SVIL: variants seen among roughly 807,000 people sequenced by gnomAD.
The protein encoded by SVIL is archvillin.
In SVIL, 101 loss-of-function variants were observed where a neutral mutation model predicts 240.4. The ratio of observed to expected loss-of-function variants is 0.42; its 90% CI spans 0.36 to 0.50. The LOEUF is 0.50. Ranked by LOEUF, SVIL falls within the 20% of genes least tolerant of loss-of-function variation. SVIL has a pLI of 0.01. For synonymous variants in SVIL, 999 were observed against 1,100.0 expected, an observed-to-expected ratio of 0.91 and a Z score of 1.82; for missense variants, 2,512 against 2,818.7, an observed-to-expected ratio of 0.89 and a Z score of 2.46.
At chr10:29,600,808 C>T (rs1564688790) in intron 1 of SVIL, among the ~76,000 whole-genome samples, 1 of 152,176 alleles carries the variant, frequency 6.6e-6, no homozygotes, top group Non-Finnish European at 1.5e-5. Flanking sequence ...ACTGTTCTAA[C>T]TAAAACCCCA....
In SVIL at chr10:29,499,116, C is replaced by T. The variant is rs1948684744; in HGVS notation, c.3664G>A (p.Gly1222Ser). Residue 1222 changes from glycine (G) to serine (S), a missense_variant and splice_region_variant, in exon 18 of 38, where the codon GGT becomes AGT. By Grantham distance (56) the Gly-to-Ser change is moderately conservative. This residue lies in a region of SVIL where 272 missense variants were observed against 406.8 expected (regional missense o/e 0.67). Coordinates refer to ENST00000355867, the MANE Select transcript of SVIL (RefSeq NM_021738.3). ...FTVAGRMVKK[G>S]LASPTAITPV... Reference sequence around the variant, plus strand: ...CACACATGGACACACACACACTGACCTTTCTTCACCATCCTGCCAGCCACA... The same window carrying T: ...CACACATGGACACACACACACTGACTTTTCTTCACCATCCTGCCAGCCACA... 1.9e-6 allele frequency: 3 copies of T among 1,584,302 alleles called. No individual in the cohort carries two copies. Among genetic ancestry groups the T allele is most frequent in the African/African-American group, 1.8e-5 (1 of 54,894 alleles).
chr10:29,614,100 C>G (rs972288815), intron 1 of SVIL, among the ~76,000 whole-genome samples: 2 of 152,046 alleles, frequency 1.3e-5, no homozygotes, highest in Non-Finnish European at 2.9e-5. Context: ...ACTAACTATA[C>G]CACAACAGAA....
At chr10:29,534,304 A>G (rs1951590920) in intron 7 of SVIL, among the ~76,000 whole-genome samples, 1 of 152,134 alleles carries the variant, frequency 6.6e-6, no homozygotes, top group Non-Finnish European at 1.5e-5. Flanking sequence ...GGAGTTTGAG[A>G]CCAGTTTGGG....
chr10:29,582,901 A>G (rs1358573315), intron 1 of SVIL, among the ~76,000 whole-genome samples: 6 of 152,164 alleles, frequency 3.9e-5, no homozygotes, highest in Admixed American at 3.9e-4. Flanking sequence ...GCAGAGGGGA[A>G]GGGGCTGACT....
At chr10:29,663,536 A>T (rs902648256) in intron 2 of SVIL, among the ~76,000 whole-genome samples, 11 of 152,126 alleles carry the variant, frequency 7.2e-5, no homozygotes, top group African/African-American at 2.7e-4. Context: ...TTTGTATTTT[A>T]GTAGAGACGG....
At chr10:29,563,049 G>T (rs933293368) in intron 3 of SVIL, among the ~76,000 whole-genome samples, 152 bp downstream of exon 3, 3 of 152,138 alleles carry the variant, frequency 2.0e-5, no homozygotes, top group Non-Finnish European at 4.4e-5. Flanking sequence ...GGAGAGAGGG[G>T]GAAGGGAATT....
At chr10:29,713,232 A>G (rs1325746496) in intron 1 of SVIL, among the ~76,000 whole-genome samples, 1 of 151,058 alleles carries the variant, frequency 6.6e-6, no homozygotes, top group African/African-American at 2.4e-5. Context: ...GAATTCATGT[A>G]CTGATAAAAC....
rs531381740 is a variant in SVIL, at chr10:29,465,018, A to G, written c.6133+577T>C. On this transcript the variant is annotated intron_variant, in intron 34 of 37. Coordinates refer to ENST00000355867, the MANE Select transcript of SVIL (RefSeq NM_021738.3). Reference sequence around the variant, plus strand: ...ACCCTGTTCCCTGGCTAACTTAGCCAATACCCCAACATCCTTCTCCTCTGC... The same window carrying G: ...ACCCTGTTCCCTGGCTAACTTAGCCGATACCCCAACATCCTTCTCCTCTGC... Among the ~76,000 whole-genome samples the G allele has an allele frequency of 1.4e-4, 22 of 152,296 alleles. No homozygotes were observed. The South Asian group carries it at 4.6e-3, about 32-fold the overall frequency.
intron 1 of SVIL, among the ~76,000 whole-genome samples, chr10:29,586,939 G>T (rs1010374173): frequency 1.6e-4 from 24 of 152,076 alleles, no homozygotes; most frequent in African/African-American, 5.3e-4. Context: ...ATAACTAATG[G>T]GTACTAAGCT....
In SVIL at chr10:29,531,347, A is replaced by G. The variant is rs1040448412; in HGVS notation, c.2010-59T>C. On this transcript the variant is annotated intron_variant, in intron 9 of 37. Transcript: ENST00000355867. The stretch of plus-strand genomic sequence containing the variant: ...TTAGCAGGTGGGAGCAGAAGATCGA[A>G]ATAAAACATCATACTGAAAGTAAAA... 4.1e-6 allele frequency: 6 copies of G among 1,445,864 alleles called. No homozygotes were observed. In the African/African-American group the frequency reaches 8.5e-5, roughly 21 times the overall value. The allele number at this position is 1,445,864 out of a possible 1,614,324, so 89.6% of individuals were successfully genotyped here.
chr10:29,732,367 G>C (rs1964671623), intron 1 of SVIL, among the ~76,000 whole-genome samples: 1 of 151,964 alleles, frequency 6.6e-6, no homozygotes, highest in South Asian at 2.1e-4. Context: ...ATGATCAGAT[G>C]TATTATAAGA....
rs536836258 is a variant in SVIL at position 29,529,766 on chromosome 10, G to A, written c.2185C>T (p.Arg729Cys). The change falls in exon 12 of 38, where the codon CGT becomes TGT. Residue 729 changes from arginine to cysteine, a missense_variant. By Grantham distance (180) the Arg-to-Cys change is radical (BLOSUM62 -3). This residue lies in a region of SVIL where 1,443 missense variants were observed against 1,486.6 expected (regional missense o/e 0.97). Coordinates refer to ENST00000355867, the MANE Select transcript of SVIL (RefSeq NM_021738.3). ...TGGGTGAGGGACCTGTCCTGCAGACGGCGTAGCCTCTGCTCCACAGCTGTG... is the reference window on the plus strand; with the variant it reads ...TGGGTGAGGGACCTGTCCTGCAGACAGCGTAGCCTCTGCTCCACAGCTGTG... Reference protein sequence around the residue: ...RNTAVEQRLRRLQDRSLTQPI... With the variant: ...RNTAVEQRLRCLQDRSLTQPI... 1.4e-5 allele frequency: 22 copies of A among 1,613,778 alleles called. No homozygotes were observed. The highest frequency in any genetic ancestry group is 1.1e-4 in the South Asian group (10 of 91,024).
chr10:29,568,938 G>T lies in SVIL; in HGVS notation c.-143+317C>A, dbSNP rs577897658. ...AACAAGTTTAAACCATTTCTAAAAA[G>T]AATCTAGCTCCCTTCTTTGATGGAC... is the stretch of plus-strand genomic sequence containing the variant. On this transcript the variant is annotated intron_variant, in intron 2 of 37. Coordinates refer to ENST00000355867, the MANE Select transcript of SVIL (RefSeq NM_021738.3). Among the ~76,000 whole-genome samples the T allele has an allele frequency of 2.6e-5, 4 of 152,254 alleles. No individual in the cohort carries two copies. The East Asian group carries it at 5.8e-4, about 22-fold the overall frequency.
At chr10:29,522,176 A>G (rs185156214) in intron 16 of SVIL, among the ~76,000 whole-genome samples, 161 of 152,160 alleles carry the variant, frequency 1.1e-3, no homozygotes, top group African/African-American at 3.7e-3. Flanking sequence ...TTCTCATCTG[A>G]GTCTGGAACC....
At chr10:29,543,725 C>A (rs941522506) in intron 6 of SVIL, among the ~76,000 whole-genome samples, 1 of 152,104 alleles carries the variant, frequency 6.6e-6, no homozygotes, top group Non-Finnish European at 1.5e-5. Context: ...ATCAAACTTA[C>A]AATCCCTCCT....
At position 29,550,592 on chromosome 10, in the gene SVIL, C is replaced by G; in HGVS notation, c.827+5G>C. On this transcript the variant is annotated splice_donor_5th_base_variant and intron_variant, in intron 6 of 37. Coordinates refer to ENST00000355867, the MANE Select transcript of SVIL (RefSeq NM_021738.3). ...CAGGGTGCTTAGCGTGGACTGGATG[C>G]TTACCTGGGTCGGGCCTCAGGGGAT... 1 of 1,600,070 alleles carries G rather than the reference C, an allele frequency of 6.2e-7. No homozygotes were observed. Among genetic ancestry groups the G allele is most frequent in the South Asian group, 1.1e-5 (1 of 89,312 alleles).
rs71020796 is a variant in SVIL, at chr10:29,539,165, T to TAATAAATAAATAAATA, written c.828-3112_828-3097dup. ...GGGAGACAGAGTGAGACTCGGCCTCTAATAAATAAATAAATAAATAAATAA... is the reference window on the plus strand; with the variant it reads ...GGGAGACAGAGTGAGACTCGGCCTCTAATAAATAAATAAATAAATAAATAAATAAATAAATAAATAA... On this transcript the variant is annotated intron_variant, in intron 6 of 37. Coordinates refer to ENST00000355867, the MANE Select transcript of SVIL (RefSeq NM_021738.3). 1.8e-3 allele frequency among the ~76,000 whole-genome samples: 262 copies of TAATAAATAAATAAATA among 149,186 alleles called. 2 individuals carry two copies. The highest frequency in any genetic ancestry group is 5.0e-3 in the Admixed American group (74 of 14,888).
In SVIL at chr10:29,593,580, C is replaced by G. The variant is rs185901617; in HGVS notation, c.-200-24268G>C. 4.6e-4 allele frequency among the ~76,000 whole-genome samples: 70 copies of G among 152,332 alleles called. No homozygotes were observed. In the East Asian group the frequency reaches 0.013, roughly 27 times the overall value. ...CCAGATACATCAAATGCCTTCCACT[C>G]TCTGCCTCCCGGCCTCCTTCTCAAA... On this transcript the variant is annotated intron_variant, in intron 1 of 37. Transcript: ENST00000355867.
In SVIL at chr10:29,656,457, C is replaced by CT. The variant is rs1051385443; in HGVS notation, c.-201+1511dup. 5.7e-3 allele frequency among the ~76,000 whole-genome samples: 842 copies of CT among 148,900 alleles called. 3 individuals are homozygous for CT. Among genetic ancestry groups the CT allele is most frequent in the Admixed American group, 0.012 (180 of 14,918 alleles). On this transcript the variant is annotated intron_variant, in intron 3 of 35. Coordinates refer to the SVIL transcript ENST00000375400. ...AAACCAACCCAACAGTCCCATATAG[C>CT]TTTTTTTTTTAAAAAAAAGAATAAA...
Sources: allele counts gnomAD v4.1 joint callset (sites outside exome capture counted in the v4.1 genomes callset), GRCh38; gene constraint gnomAD v4.1.1; regional missense constraint gnomAD v4.1.1; transcripts MANE v1.5; gene names NCBI Gene and HGNC (gene_info 2026-07-23, HGNC 2026-07-21).